ITPR1: variants seen among roughly 807,000 people sequenced by gnomAD.
The protein encoded by ITPR1 is inositol 1,4,5-trisphosphate receptor type 1, also known as inositol 1,4,5-trisphosphate-gated calcium channel ITPR1.
In ITPR1, 96 loss-of-function variants were observed where a neutral mutation model predicts 318.4. That is an observed-to-expected ratio of 0.30 (90% CI 0.26 to 0.36). The LOEUF (loss-of-function observed/expected upper bound fraction) is 0.36, where lower values mean the gene tolerates loss of function less well. Among genes scored for constraint, ITPR1 ranks in the 10% least tolerant of loss-of-function variants. ITPR1 has a pLI of 1.00. For missense variants in ITPR1, 2,440 were observed against 3,460.2 expected (o/e 0.71, Z 7.40); for synonymous variants, 1,312 against 1,289.9 (o/e 1.02, Z -0.37).
At chr3:4,730,696 A>C (rs927758655) in intron 42 of ITPR1, among the ~76,000 whole-genome samples, 2 of 152,078 alleles carry the variant, frequency 1.3e-5, no homozygotes, top group Non-Finnish European at 2.9e-5. Flanking sequence ...GAAGGGGGGA[A>C]GAAAAAAGCC....
rs71053443 is a variant in ITPR1 at position 4,787,337 on chromosome 3, C to CAAA, written c.6616-587_6616-585dup. 8.1e-3 allele frequency among the ~76,000 whole-genome samples: 415 copies of CAAA among 51,216 alleles called. 1 individual carries two copies. Among genetic ancestry groups the CAAA allele is most frequent in the Non-Finnish European group, 9.4e-3 (293 of 31,294 alleles). The allele number at this position is 51,216 out of a possible 152,430, so 33.6% of individuals were successfully genotyped here. On this transcript the variant is annotated intron_variant, in intron 51 of 61. Coordinates refer to ENST00000649015, the MANE Select transcript of ITPR1 (RefSeq NM_001378452.1). The stretch of plus-strand genomic sequence containing the variant: ...TGGACAACAAAACGAGACTCCATCT[C>CAAA]AAAAAAAAAAAAAAAAAAAAAAAAA...
chr3:4,523,949 T>C (rs775068175), intron 4 of ITPR1, among the ~76,000 whole-genome samples: 9 of 152,240 alleles, frequency 5.9e-5, no homozygotes, highest in Non-Finnish European at 1.2e-4. Flanking sequence ...AAACTCCTTT[T>C]ACAGCCTGGC....
intron 10 of ITPR1, among the ~76,000 whole-genome samples, chr3:4,647,615 G>A (rs933394328): frequency 6.6e-6 from 1 of 152,206 alleles, no homozygotes; most frequent in Non-Finnish European, 1.5e-5. Context: ...GGTATAGTCA[G>A]TCTTTTCAAT....
At chr3:4,802,641 G>A (rs1218983376) in intron 54 of ITPR1, among the ~76,000 whole-genome samples, 1 of 151,966 alleles carries the variant, frequency 6.6e-6, no homozygotes, top group Non-Finnish European at 1.5e-5. Flanking sequence ...TGGCCAGTAT[G>A]CATGTGAAAC....
At chr3:4,542,041 T>C (rs1187051446) in intron 4 of ITPR1, among the ~76,000 whole-genome samples, 1 of 152,186 alleles carries the variant, frequency 6.6e-6, no homozygotes, top group Non-Finnish European at 1.5e-5. Context: ...CTGCTCTGTA[T>C]TCATTGAGAG....
At chr3:4,750,263 G>A (rs1376378364) in intron 44 of ITPR1, 1 of 151,822 alleles carries the variant, frequency 6.6e-6, no homozygotes, top group Non-Finnish European at 1.5e-5. Flanking sequence ...AATCCGCGGA[G>A]GAGGACTTGA....
At chr3:4,747,113 A>C (rs2044164712) in intron 44 of ITPR1, among the ~76,000 whole-genome samples, 1 of 152,202 alleles carries the variant, frequency 6.6e-6, no homozygotes, top group Non-Finnish European at 1.5e-5. Context: ...TGGGAAATAC[A>C]TGTCAACTTG....
At chr3:4,513,598 G>T (rs921217556) in intron 2 of ITPR1, among the ~76,000 whole-genome samples, 1 of 152,160 alleles carries the variant, frequency 6.6e-6, no homozygotes, top group Admixed American at 6.5e-5. Context: ...CACTTAATAA[G>T]TATCTTGGTT....
At chr3:4,555,847 A>G (rs994833645) in intron 4 of ITPR1, among the ~76,000 whole-genome samples, 6 of 152,244 alleles carry the variant, frequency 3.9e-5, no homozygotes, top group African/African-American at 1.4e-4. Context: ...TTGTTACTGC[A>G]TAAGGAGGCT....
At chr3:4,521,786 C>A (rs1354229012) in intron 4 of ITPR1, among the ~76,000 whole-genome samples, 1 of 152,172 alleles carries the variant, frequency 6.6e-6, no homozygotes, top group African/African-American at 2.4e-5. Flanking sequence ...GGGAGGATCA[C>A]CTGAGCCTGG....
chr3:4,675,367 T>C, intron 23 of ITPR1, 119 bp downstream of exon 23: 1 of 700,044 alleles, frequency 1.4e-6, no homozygotes, highest in Non-Finnish European at 2.3e-6. Context: ...TCCCAACTTT[T>C]CATCGTGAAC....
intron 48 of ITPR1, 45 bp downstream of exon 48, chr3:4,777,419 A>G (rs1353195194): frequency 1.6e-6 from 2 of 1,264,432 alleles, no homozygotes; most frequent in Non-Finnish European, 2.3e-6. Context: ...GGAAACAGTC[A>G]CTTTTGTGTT....
intron 4 of ITPR1, among the ~76,000 whole-genome samples, chr3:4,535,296 T>C (rs2083754266): frequency 1.3e-5 from 2 of 152,140 alleles, no homozygotes; most frequent in Admixed American, 6.5e-5. Flanking sequence ...ACATTCAGCA[T>C]TATTTCCAGT....
chr3:4,692,161 A>AAAAAG (rs2094490753), intron 32 of ITPR1, among the ~76,000 whole-genome samples: 1 of 151,596 alleles, frequency 6.6e-6, no homozygotes, highest in Admixed American at 6.6e-5. Flanking sequence ...AAATAAAAAA[A>AAAAAG]AGAGAGAGTC....
rs924811478 is a variant in ITPR1 at position 4,829,660 on chromosome 3, C to T, written c.8029-7114C>T. Reference sequence around the variant, plus strand: ...TTAGTAACGTTTTGTATTATTGTGGCCTGTTTGTTTGTTAAGATTTGATAT... The same window carrying T: ...TTAGTAACGTTTTGTATTATTGTGGTCTGTTTGTTTGTTAAGATTTGATAT... On this transcript the variant is annotated intron_variant, in intron 60 of 61. Coordinates refer to ENST00000649015, the MANE Select transcript of ITPR1 (RefSeq NM_001378452.1). Among the ~76,000 whole-genome samples the T allele has an allele frequency of 2.0e-5, 3 of 151,984 alleles. No individual in the cohort carries two copies. The East Asian group carries it at 5.8e-4, about 29-fold the overall frequency.
At chr3:4,640,979 G>A (rs1399303943) in intron 6 of ITPR1, among the ~76,000 whole-genome samples, 2 of 152,126 alleles carry the variant, frequency 1.3e-5, no homozygotes, top group Non-Finnish European at 2.9e-5. Context: ...AGGGGTCATC[G>A]GGGCTTATGG....
At chr3:4,829,497 G>A (rs1405851259) in intron 60 of ITPR1, among the ~76,000 whole-genome samples, 2 of 152,058 alleles carry the variant, frequency 1.3e-5, no homozygotes, top group Non-Finnish European at 1.5e-5. Context: ...AAGAATAAAA[G>A]GATGATAATT....
At chr3:4,602,528 G>GAA (rs59656214) in intron 4 of ITPR1, among the ~76,000 whole-genome samples, 1 of 106,820 alleles carries the variant, frequency 9.4e-6, no homozygotes, top group East Asian at 2.4e-4. Context: ...GACCCTCTCA[G>GAA]AAAAAAAAAA....
intron 58 of ITPR1, 101 bp from the exon 59 acceptor site, chr3:4,814,952 T>C (rs2049191754): frequency 2.0e-6 from 2 of 980,020 alleles, no homozygotes; most frequent in Admixed American, 2.4e-5. Flanking sequence ...CAATTTAATT[T>C]CTACCCAAGT....
Sources: gnomAD v4.1 joint callset for allele counts (sites outside exome capture counted in the v4.1 genomes callset) on GRCh38, gnomAD v4.1.1 for gene constraint, MANE v1.5 for transcripts, NCBI Gene and HGNC (gene_info 2026-07-23, HGNC 2026-07-21) for gene names.